PHF21A: variants seen among roughly 807,000 people sequenced by gnomAD.
The protein encoded by PHF21A is PHD finger protein 21A, also known as BHC80a.
Under a neutral mutation model 82.5 loss-of-function variants are expected in PHF21A, and 11 were observed. That is an observed-to-expected ratio of 0.13 (90% CI 0.08 to 0.22). The LOEUF is 0.22. PHF21A is among the 10% of genes least tolerant of loss of function. The pLI is 1.00. For synonymous variants in PHF21A, 297 were observed against 302.8 expected (o/e 0.98, Z 0.20); for missense variants, 579 against 837.8 (o/e 0.69, Z 3.81).
chr11:45,982,551 T>G (rs1565393214), intron 6 of PHF21A, among the ~76,000 whole-genome samples: 1 of 152,242 alleles, frequency 6.6e-6, no homozygotes, highest in Non-Finnish European at 1.5e-5. Flanking sequence ...CTGCTGTAGT[T>G]TAGGAGAAGG....
At chr11:46,019,382 T>C (rs2095585125) in intron 6 of PHF21A, among the ~76,000 whole-genome samples, 1 of 152,152 alleles carries the variant, frequency 6.6e-6, no homozygotes, top group African/African-American at 2.4e-5. Flanking sequence ...CTTTCATTGG[T>C]AAGCATGTAC....
chr11:46,089,877 G>A (rs1258890695), intron 3 of PHF21A, among the ~76,000 whole-genome samples: 2 of 151,724 alleles, frequency 1.3e-5, no homozygotes, highest in Non-Finnish European at 1.5e-5. Context: ...GCAACGTGCA[G>A]GCTATTATGG....
chr11:45,981,055 G>A (rs924937977), intron 6 of PHF21A, among the ~76,000 whole-genome samples: 1 of 152,080 alleles, frequency 6.6e-6, no homozygotes, highest in African/African-American at 2.4e-5. Context: ...CATGAGTGCA[G>A]GGGCTTATTT....
chr11:45,979,708 C>A, intron 7 of PHF21A, 52 bp downstream of exon 7: 1 of 1,611,944 alleles, frequency 6.2e-7, no homozygotes, highest in Non-Finnish European at 8.5e-7. Flanking sequence ...ATATGACCAA[C>A]AACAAATCAG....
chr11:46,094,925 T>C (rs552068707), intron 1 of PHF21A, among the ~76,000 whole-genome samples: 21 of 152,198 alleles, frequency 1.4e-4, no homozygotes, highest in Admixed American at 1.4e-3. Context: ...TGAAATCCTT[T>C]AAACCTAAGG....
chr11:45,987,489 G>A (rs2094534060), intron 6 of PHF21A, among the ~76,000 whole-genome samples: 1 of 150,938 alleles, frequency 6.6e-6, no homozygotes, highest in African/African-American at 2.4e-5. Context: ...GTGAAACTCC[G>A]TCTCTACTAA....
At chr11:46,112,735 A>C (rs1037252009) in intron 1 of PHF21A, among the ~76,000 whole-genome samples, 5 of 152,240 alleles carry the variant, frequency 3.3e-5, no homozygotes, top group African/African-American at 1.2e-4. Flanking sequence ...ATCCAACCTT[A>C]CGGAACAACT....
chr11:45,960,950 G>C (rs2093036488), intron 10 of PHF21A, among the ~76,000 whole-genome samples: 1 of 152,192 alleles, frequency 6.6e-6, no homozygotes, highest in South Asian at 2.1e-4. Context: ...CCAAGAAGCA[G>C]CTGCTTCCTT....
At chr11:46,042,632 A>G (rs1164314822) in intron 6 of PHF21A, among the ~76,000 whole-genome samples, 2 of 152,070 alleles carry the variant, frequency 1.3e-5, no homozygotes, top group African/African-American at 4.8e-5. Flanking sequence ...CACTCAAAAT[A>G]CGTATGTTGA....
At chr11:45,984,617 A>G (rs972747713) in intron 6 of PHF21A, among the ~76,000 whole-genome samples, 1 of 152,210 alleles carries the variant, frequency 6.6e-6, no homozygotes, top group Non-Finnish European at 1.5e-5. Context: ...GTCACGTTCC[A>G]TGGCTTTTGT....
chr11:45,948,755 GAAC>G (rs1399275844), intron 14 of PHF21A, 128 bp downstream of exon 14: 5 of 743,634 alleles, frequency 6.7e-6, no homozygotes, highest in East Asian at 2.4e-5. Flanking sequence ...CATTCTCAGA[GAAC>G]AACAACAAAA....
intron 6 of PHF21A, among the ~76,000 whole-genome samples, chr11:46,006,725 G>A (rs2095304779): frequency 6.6e-6 from 1 of 152,192 alleles, no homozygotes; most frequent in South Asian, 2.1e-4. Flanking sequence ...CTTGTATTAA[G>A]TATTGAACTG....
At position 46,028,859 on chromosome 11, in the gene PHF21A, A is replaced by G. The variant is rs2095807319; in HGVS notation, c.153+47895T>C. ...AGTGCTGGGATTACAGGCGTGAGCC[A>G]CCACGCCCAGCAAAGGCTTGCCTTT... is the stretch of plus-strand genomic sequence containing the variant. On this transcript the variant is annotated intron_variant, in intron 6 of 18. Coordinates refer to ENST00000676320, the MANE Select transcript of PHF21A (RefSeq NM_001352027.3). Among the ~76,000 whole-genome samples the G allele has an allele frequency of 2.0e-5, 3 of 152,232 alleles. No homozygotes were observed. The South Asian group carries it at 6.2e-4, about 32-fold the overall frequency.
rs896295443 is a variant in PHF21A at position 45,940,195 on chromosome 11, T to G, written c.1453-1883A>C. ...CATAGTGTGGATGGATTTTAATCTT[T>G]TTCTTTTTTTTTTTTTTAGACGGAG... On this transcript the variant is annotated intron_variant, in intron 15 of 18. Transcript: ENST00000676320. 2.0e-5 allele frequency among the ~76,000 whole-genome samples: 3 copies of G among 152,180 alleles called. No homozygotes were observed. In the East Asian group the frequency reaches 5.8e-4, roughly 29 times the overall value.
rs545300091 is a variant in PHF21A, at chr11:45,972,712, G to A, written c.361-1345C>T. ...GTGGATTGCCTGAGGTCAGGAGTTC[G>A]AGACCAGCCTGGCCAACATGGTGAA... On this transcript the variant is annotated intron_variant, in intron 7 of 18. Transcript: ENST00000676320. 4.6e-5 allele frequency among the ~76,000 whole-genome samples: 7 copies of A among 152,288 alleles called. No individual in the cohort carries two copies. In the South Asian group the frequency reaches 6.2e-4, roughly 14 times the overall value.
chr11:46,109,939 C>A (rs2097192953), intron 1 of PHF21A, among the ~76,000 whole-genome samples: 1 of 151,348 alleles, frequency 6.6e-6, no homozygotes, highest in African/African-American at 2.4e-5. Context: ...TGAGATGGCC[C>A]CCCTGCACTC....
chr11:46,030,820 C>CGTGT (rs1019260318), intron 6 of PHF21A, among the ~76,000 whole-genome samples: 1 of 75,284 alleles, frequency 1.3e-5, no homozygotes, highest in South Asian at 5.6e-4. Flanking sequence ...TGTGTGTGTG[C>CGTGT]GTGTGTGTGC....
intron 6 of PHF21A, among the ~76,000 whole-genome samples, chr11:46,053,477 ATATTT>A (rs1335985861): frequency 6.6e-6 from 1 of 152,172 alleles, no homozygotes; most frequent in African/African-American, 2.4e-5. Flanking sequence ...TCTTAAGAGG[ATATTT>A]TATTTTAAGA....
intron 6 of PHF21A, among the ~76,000 whole-genome samples, chr11:46,044,426 C>G (rs1001192721): frequency 2.0e-5 from 3 of 151,958 alleles, no homozygotes; most frequent in Non-Finnish European, 4.4e-5. Context: ...TTCCAGTGAC[C>G]CCGGTACTAC....
Sources: gnomAD v4.1 joint callset for allele counts (sites outside exome capture counted in the v4.1 genomes callset) on GRCh38, gnomAD v4.1.1 for gene constraint, MANE v1.5 for transcripts, NCBI Gene and HGNC (gene_info 2026-07-23, HGNC 2026-07-21) for gene names.